Variants in VSTM2B observed in about 807,000 individuals in gnomAD.
VSTM2B encodes V-set and transmembrane domain-containing protein 2B.
VSTM2B carries 24 observed loss-of-function variants against 24.0 expected under a neutral mutation model. The observed-to-expected ratio is 1.00, with a 90% CI of 0.72 to 1.40. VSTM2B has a LOEUF of 1.40. Ranked by LOEUF, VSTM2B falls within the 40% of genes most tolerant of loss-of-function variation. VSTM2B has a pLI of 0.00. For synonymous variants in VSTM2B, 226 were observed against 194.4 expected (o/e 1.16, Z -1.35); for missense variants, 399 against 416.4 (o/e 0.96, Z 0.36).
intron 4 of VSTM2B, among the ~76,000 whole-genome samples, chr19:29,543,000 C>A (rs914697199): frequency 2.6e-5 from 4 of 152,146 alleles, no homozygotes; most frequent in Admixed American, 6.5e-5. Flanking sequence ...CCAATCCCAG[C>A]CTGCTTCCGA....
intron 4 of VSTM2B, among the ~76,000 whole-genome samples, chr19:29,546,162 G>C (rs1038524152): frequency 2.0e-5 from 3 of 152,180 alleles, no homozygotes; most frequent in Non-Finnish European, 2.9e-5. Flanking sequence ...AAGAGCCAGA[G>C]AGGAACAGGA....
intron 4 of VSTM2B, among the ~76,000 whole-genome samples, chr19:29,542,901 C>T (rs1970058019): frequency 6.6e-6 from 1 of 152,106 alleles, no homozygotes; most frequent in African/African-American, 2.4e-5. Context: ...GTGGTAGGTC[C>T]CAGAATTCCA....
rs568228777 is a variant in VSTM2B at position 29,529,180 on chromosome 19, G to C, written c.298-639G>C. On this transcript the variant is annotated intron_variant, in intron 3 of 4. Coordinates refer to ENST00000335523, the MANE Select transcript of VSTM2B (RefSeq NM_001146339.2). Reference sequence around the variant, plus strand: ...CCGGGGCGCAGGGGAGGAGCACTTCGCTGGGGGGCTTCTGGAGATCCCGCG... The same window carrying C: ...CCGGGGCGCAGGGGAGGAGCACTTCCCTGGGGGGCTTCTGGAGATCCCGCG... 9 of 966,766 alleles carry C rather than the reference G, an allele frequency of 9.3e-6. No homozygotes were observed. The East Asian group carries it at 1.0e-3, about 111-fold the overall frequency. 59.9% of individuals were successfully genotyped at this position (966,766 alleles called of 1,614,324 possible).
At chr19:29,535,760 G>A (rs556178178) in intron 4 of VSTM2B, among the ~76,000 whole-genome samples, 2 of 152,184 alleles carry the variant, frequency 1.3e-5, no homozygotes, top group Admixed American at 6.5e-5. Flanking sequence ...CAGGAGAATC[G>A]CGATGCAGCA....
At chr19:29,536,067 C>A (rs1969880902) in intron 4 of VSTM2B, among the ~76,000 whole-genome samples, 1 of 152,204 alleles carries the variant, frequency 6.6e-6, no homozygotes, top group South Asian at 2.1e-4. Flanking sequence ...GCAAGCAATG[C>A]CTGCTTCATC....
chr19:29,542,335 A>G (rs920288375), intron 4 of VSTM2B, among the ~76,000 whole-genome samples: 1 of 150,702 alleles, frequency 6.6e-6, no homozygotes, highest in Non-Finnish European at 1.5e-5. Context: ...GAGTGGGTGG[A>G]TGGATGGGAG....
intron 4 of VSTM2B, among the ~76,000 whole-genome samples, chr19:29,538,754 GCCAGGCTCTTTAAACAA>G (rs1477994751): frequency 9.2e-5 from 14 of 152,118 alleles, no homozygotes; most frequent in Admixed American, 9.2e-4. Flanking sequence ...GGGAGGATGT[GCCAGGCTCTTTAAACAA>G]CCAGCTGTCA....
chr19:29,547,672 C>G (rs770771046), intron 4 of VSTM2B, among the ~76,000 whole-genome samples: 2 of 152,118 alleles, frequency 1.3e-5, no homozygotes, highest in Non-Finnish European at 2.9e-5. Context: ...TAGGGGGTAG[C>G]AGAAGAGAAG....
In VSTM2B at chr19:29,559,548, G is replaced by A. The variant is rs374172365; in HGVS notation, c.770-4298G>A. ...TGGGTGTAGCAAACTACCATGGTACGTGTATACCTATGTAACAAAGCTGCA... is the reference window on the plus strand; with the variant it reads ...TGGGTGTAGCAAACTACCATGGTACATGTATACCTATGTAACAAAGCTGCA... On this transcript the variant is annotated intron_variant, in intron 4 of 4. Coordinates refer to ENST00000335523, the MANE Select transcript of VSTM2B (RefSeq NM_001146339.2). 3.9e-4 allele frequency among the ~76,000 whole-genome samples: 59 copies of A among 152,232 alleles called. No homozygotes were observed. In the South Asian group the frequency reaches 4.4e-3, roughly 11 times the overall value.
At chr19:29,559,740 G>A (rs1171464450) in intron 4 of VSTM2B, among the ~76,000 whole-genome samples, 2 of 152,140 alleles carry the variant, frequency 1.3e-5, no homozygotes, top group Non-Finnish European at 2.9e-5. Flanking sequence ...TTTTAAAGAA[G>A]AAGCTATGTC....
At chr19:29,537,597 C>A (rs1969919803) in intron 4 of VSTM2B, among the ~76,000 whole-genome samples, 1 of 152,104 alleles carries the variant, frequency 6.6e-6, no homozygotes, top group Non-Finnish European at 1.5e-5. Flanking sequence ...TCAGTTGGCT[C>A]TGGTTCTTGC....
Position 29,530,161 on chromosome 19 carries a change from G to T in VSTM2B, c.640G>T (p.Ala214Ser). 2.7e-6 allele frequency: 4 copies of T among 1,481,938 alleles called. No homozygotes were observed. The highest frequency in any genetic ancestry group is 1.3e-5 in the South Asian group (1 of 78,634). 91.8% of individuals were successfully genotyped at this position (1,481,938 alleles called of 1,614,324 possible). ...GAGCCCTCCCGCCGCCATCGATCCC[G>T]CAGTCCCCGAGGCCGCGGCAGCCTC... Reference protein sequence around the residue: ...PGSPPAAIDPAVPEAAAASAA... With the variant: ...PGSPPAAIDPSVPEAAAASAA... The change falls in exon 4 of 5, where the codon GCA becomes TCA. Residue 214 changes from alanine to serine, a missense_variant. Coordinates refer to ENST00000335523, the MANE Select transcript of VSTM2B (RefSeq NM_001146339.2).
intron 4 of VSTM2B, among the ~76,000 whole-genome samples, chr19:29,557,369 A>G (rs1196415168): frequency 6.6e-6 from 1 of 152,208 alleles, no homozygotes; most frequent in Non-Finnish European, 1.5e-5. Context: ...CCTCTTCCTT[A>G]CACCTTATAC....
At chr19:29,539,645 G>A (rs56102015) in intron 4 of VSTM2B, among the ~76,000 whole-genome samples, 16,661 of 152,220 alleles carry the variant, frequency 0.11, 1,219 homozygotes, top group East Asian at 0.22. Context: ...TTCCACTTGC[G>A]TTCCTGCATT....
intron 4 of VSTM2B, among the ~76,000 whole-genome samples, chr19:29,546,016 G>A (rs1310054850): frequency 1.3e-5 from 2 of 152,170 alleles, no homozygotes; most frequent in African/African-American, 2.4e-5. Flanking sequence ...CTGATGCAGT[G>A]AGGGGGAGGG....
intron 4 of VSTM2B, among the ~76,000 whole-genome samples, chr19:29,531,907 C>A (rs919560502): frequency 1.3e-5 from 2 of 152,250 alleles, no homozygotes; most frequent in Non-Finnish European, 2.9e-5. Flanking sequence ...GGGACCCAGG[C>A]TGAGAGTACC....
At chr19:29,539,325 AG>A in intron 4 of VSTM2B, among the ~76,000 whole-genome samples, 1 of 151,868 alleles carries the variant, frequency 6.6e-6, no homozygotes, top group Non-Finnish European at 1.5e-5. Context: ...CTGTGATGTG[AG>A]GGGGTAGGGC....
In VSTM2B at chr19:29,528,358, C is replaced by T. The variant is rs1184253908; in HGVS notation, c.268-75C>T. ...AGCCTGCCGGAGGAGGGTGCCCTTG[C>T]CTAAAGGCGGATCCGAGTTCCCCTA... On this transcript the variant is annotated intron_variant, in intron 2 of 4. Transcript: ENST00000335523. 5.2e-6 allele frequency: 8 copies of T among 1,545,712 alleles called. No individual in the cohort carries two copies. In the African/African-American group the frequency reaches 1.1e-4, roughly 21 times the overall value.
At chr19:29,561,968 T>C (rs902678773) in intron 4 of VSTM2B, among the ~76,000 whole-genome samples, 2 of 152,206 alleles carry the variant, frequency 1.3e-5, no homozygotes, top group Admixed American at 6.5e-5. Context: ...GATGACTGCC[T>C]GAAGCATAAA....
Sources: gnomAD v4.1 joint callset for allele counts (sites outside exome capture counted in the v4.1 genomes callset) on GRCh38, gnomAD v4.1.1 for gene constraint, MANE v1.5 for transcripts, NCBI Gene and HGNC (gene_info 2026-07-23, HGNC 2026-07-21) for gene names.